The following SYNE1 variants were observed in gnomAD, a reference collection of about 807,000 sequenced individuals.
The protein encoded by SYNE1 is nesprin-1.
Under a neutral mutation model 1,111.0 loss-of-function variants are expected in SYNE1, and 616 were observed. That is an observed-to-expected ratio of 0.55 (90% CI 0.52 to 0.59). The LOEUF is 0.59. Ranked by LOEUF, SYNE1 falls within the 20% of genes least tolerant of loss-of-function variation. The probability of loss-of-function intolerance (pLI) is 0.00; values close to 1 mark genes in which losing one functional copy is unlikely to be tolerated. For missense variants in SYNE1, 10,006 were observed against 10,417.0 expected (o/e 0.96, Z 1.72); for synonymous variants, 3,855 against 3,825.8 (o/e 1.01, Z -0.28).
intron 127 of SYNE1, 137 bp downstream of exon 127, chr6:152,201,687 G>A: frequency 7.9e-7 from 1 of 1,265,282 alleles, no homozygotes; most frequent in Non-Finnish European, 1.1e-6. Context: ...TTTCACCTGA[G>A]TTGCCTGTCC....
At chr6:152,337,062 CATTTATGGTTA>C in intron 75 of SYNE1, 45 bp from the exon 76 acceptor site, 1 of 1,582,556 alleles carries the variant, frequency 6.3e-7, no homozygotes, top group South Asian at 1.1e-5. Context: ...TACATGGAAA[CATTTATGGTTA>C]ATGAATCAGA....
intron 53 of SYNE1, 109 bp from the exon 54 acceptor site, chr6:152,387,490 GA>G: frequency 8.8e-7 from 1 of 1,140,336 alleles, no homozygotes; most frequent in Non-Finnish European, 1.3e-6. Flanking sequence ...AATGCTACTG[GA>G]AGTGATGAAA....
intron 40 of SYNE1, among the ~76,000 whole-genome samples, chr6:152,418,964 T>C (rs78194734): frequency 0.024 from 3,674 of 152,304 alleles, 179 homozygotes; most frequent in African/African-American, 0.084. Flanking sequence ...CTGTATAACA[T>C]AAAAACTTTA....
chr6:152,541,813 G>T (rs1246013378), intron 3 of SYNE1, among the ~76,000 whole-genome samples: 2 of 151,074 alleles, frequency 1.3e-5, no homozygotes, highest in African/African-American at 2.4e-5. Flanking sequence ...TATCCTGGGA[G>T]GGGGTGTGGG....
At position 152,122,617 on chromosome 6, in the gene SYNE1, C is replaced by A; in HGVS notation, c.26213G>T (p.Arg8738Leu). The A allele has an allele frequency of 6.2e-7, 1 of 1,614,126 alleles. No individual in the cohort carries two copies. Among genetic ancestry groups the A allele is most frequent in the South Asian group, 1.1e-5 (1 of 91,086 alleles). The change falls in exon 146 of 146, where the codon CGC becomes CTC. Residue 8738 changes from arginine (R) to leucine (L), a missense_variant. By Grantham distance (102) the Arg-to-Leu change is moderately radical (BLOSUM62 -2). Coordinates refer to ENST00000367255, the MANE Select transcript of SYNE1 (RefSeq NM_182961.4). ...TCGGAGGACTCTGAACAGGAAGCCG[C>A]GGCCGGACCGACCTGGCCCTGGCTC... The part of the protein sequence containing the change: ...LSEPGPGRSG[R>L]GFLFRVLRAA...
intron 30 of SYNE1, among the ~76,000 whole-genome samples, chr6:152,443,560 G>T (rs912646009): frequency 6.6e-6 from 1 of 152,136 alleles, no homozygotes; most frequent in Non-Finnish European, 1.5e-5. Flanking sequence ...CACCGTGCCC[G>T]GCCTATACTC....
At chr6:152,339,194 G>C in intron 75 of SYNE1, 47 bp downstream of exon 75, 1 of 1,606,822 alleles carries the variant, frequency 6.2e-7, no homozygotes, top group Non-Finnish European at 8.5e-7. Flanking sequence ...TCAAGCAAGA[G>C]AATATAATAA....
Position 152,266,276 on chromosome 6 carries a change from G to A in SYNE1, c.18815+1780C>T, listed in dbSNP as rs145678472. On this transcript the variant is annotated intron_variant, in intron 100 of 145. Coordinates refer to ENST00000367255, the MANE Select transcript of SYNE1 (RefSeq NM_182961.4). ...GCCAAGGAAAGAAAAAAATATATAT[G>A]GTAATAAAGTTGCAGAAGATCCCTT... Among the ~76,000 whole-genome samples, 638 of 152,202 alleles carry A rather than the reference G, an allele frequency of 4.2e-3. 6 individuals are homozygous for A. The highest frequency in any genetic ancestry group is 0.014 in the African/African-American group (584 of 41,534).
At chr6:152,231,065 A>C (rs2082658074) in intron 114 of SYNE1, among the ~76,000 whole-genome samples, 1 of 152,264 alleles carries the variant, frequency 6.6e-6, no homozygotes, top group East Asian at 1.9e-4. Context: ...AGCTTGATTT[A>C]ATAAATGAAT....
rs2098953103 is a variant in SYNE1 at position 152,488,507 on chromosome 6, G to C, written c.940-4C>G. On this transcript the variant is annotated splice_region_variant and splice_polypyrimidine_tract_variant and intron_variant, in intron 11 of 145. Coordinates refer to ENST00000367255, the MANE Select transcript of SYNE1 (RefSeq NM_182961.4). ...TAAAAATTACTCTGTCTTCTCTCTG[G>C]AAATGAGGAGACATTACAATTTTAT... is the stretch of plus-strand genomic sequence containing the variant. 1 of 1,435,052 alleles carries C rather than the reference G, an allele frequency of 7.0e-7. No homozygotes were observed. The highest frequency in any genetic ancestry group is 1.1e-5 in the South Asian group (1 of 87,246). 88.9% of individuals were successfully genotyped at this position (1,435,052 alleles called of 1,614,324 possible). A position where few individuals can be genotyped will look rare whatever the true frequency, so the allele number is the denominator to read the frequency against.
At chr6:152,362,109 G>A in intron 64 of SYNE1, 61 bp downstream of exon 64, 3 of 1,612,818 alleles carry the variant, frequency 1.9e-6, no homozygotes, top group Non-Finnish European at 2.5e-6. Context: ...ATTTTTGTCT[G>A]ACTGTGGCAT....
At chr6:152,415,683 A>G (rs1395535293) in intron 41 of SYNE1, among the ~76,000 whole-genome samples, 1 of 151,894 alleles carries the variant, frequency 6.6e-6, no homozygotes, top group East Asian at 1.9e-4. Flanking sequence ...AAAACAGATA[A>G]TAAGATCTAC....
chr6:152,442,319 G>T (rs1281297757), intron 30 of SYNE1, 74 bp from the exon 31 acceptor site: 16 of 1,569,914 alleles, frequency 1.0e-5, no homozygotes, highest in Non-Finnish European at 8.7e-7. Context: ...CAACACCCAC[G>T]CTTAACAGAA....
Position 152,281,953 on chromosome 6 carries a change from GT to G in SYNE1, c.18234del (p.Glu6078AspfsTer23). 6.2e-7 allele frequency: 1 copy of G among 1,614,040 alleles called. No homozygotes were observed. The highest frequency in any genetic ancestry group is 2.2e-5 in the East Asian group (1 of 44,886). ...LEEKLNDQLE[E>X]QRQEQALQRY... is the part of the protein sequence containing the mutation. ...CTCTGCAGGGCCTGTTCCTGCCTTTGTTCCTCCAGCTGATCATTCAACTTCT... is the reference window on the plus strand; with the variant it reads ...CTCTGCAGGGCCTGTTCCTGCCTTTGTCCTCCAGCTGATCATTCAACTTCT... On this transcript the variant is annotated frameshift_variant, in exon 97 of 146. Coordinates refer to ENST00000367255, the MANE Select transcript of SYNE1 (RefSeq NM_182961.4). LOFTEE classifies it high-confidence loss of function.
intron 72 of SYNE1, among the ~76,000 whole-genome samples, chr6:152,348,220 T>C (rs986784271): frequency 6.6e-6 from 1 of 152,168 alleles, no homozygotes. Flanking sequence ...CATTGTTTTA[T>C]AGATGAGGAA....
At chr6:152,212,961 T>C (rs1225229526) in intron 123 of SYNE1, among the ~76,000 whole-genome samples, 1 of 152,176 alleles carries the variant, frequency 6.6e-6, no homozygotes, top group Non-Finnish European at 1.5e-5. Flanking sequence ...TTCTTTTCTC[T>C]TAGGTAAGAC....
chr6:152,398,463 T>C (rs2068727), intron 49 of SYNE1, among the ~76,000 whole-genome samples, 156 bp downstream of exon 49: 3 of 152,240 alleles, frequency 2.0e-5, no homozygotes, highest in South Asian at 4.1e-4. Flanking sequence ...ATACTTATCA[T>C]GTTGTCTATT....
intron 3 of SYNE1, among the ~76,000 whole-genome samples, chr6:152,550,762 G>C (rs1417512656): frequency 1.3e-5 from 2 of 151,938 alleles, no homozygotes; most frequent in Non-Finnish European, 2.9e-5. Flanking sequence ...TGATTGCAAG[G>C]TGCTGCCACA....
chr6:152,281,818 T>C lies in SYNE1; in HGVS notation c.18370A>G (p.Met6124Val), dbSNP rs1297757185. 6.2e-7 allele frequency: 1 copy of C among 1,614,208 alleles called. No individual in the cohort carries two copies. Among genetic ancestry groups the C allele is most frequent in the Admixed American group, 1.7e-5 (1 of 60,028 alleles). ...GACCATTTTGGTACCTGGCAGTCCA[T>C]AAGCTGGGCCTCCATGTCCATGGGC... The part of the protein sequence containing the change: ...KEPMDMEAQL[M>V]DCQNMLVEIE... The change falls in exon 97 of 146, where the codon ATG (methionine) becomes GTG (valine). Residue 6124 changes from methionine to valine, a missense_variant. Met to Val is a conservative substitution (Grantham distance 21). Around this residue, in one of 7 missense-constraint regions of SYNE1, gnomAD observed 99 missense variants for 147.8 expected, o/e 0.67. Coordinates refer to ENST00000367255, the MANE Select transcript of SYNE1 (RefSeq NM_182961.4).
Sources: allele counts gnomAD v4.1 joint callset (sites outside exome capture counted in the v4.1 genomes callset), GRCh38; gene constraint gnomAD v4.1.1; regional missense constraint gnomAD v4.1.1; transcripts MANE v1.5; gene names NCBI Gene and HGNC (gene_info 2026-07-23, HGNC 2026-07-21).